Variants in COL12A1 observed in about 807,000 individuals in gnomAD.
COL12A1 encodes the protein collagen type XII alpha 1 chain.
In COL12A1, 114 loss-of-function variants were observed where a neutral mutation model predicts 349.7. The observed-to-expected ratio is 0.33, with a 90% CI of 0.28 to 0.38. The LOEUF is 0.38. COL12A1 is among the 10% of genes least tolerant of loss of function. COL12A1 has a pLI of 1.00. For missense variants in COL12A1, 3,284 were observed against 3,756.9 expected (o/e 0.87, Z 3.29); for synonymous variants, 1,369 against 1,329.0 (o/e 1.03, Z -0.66).
chr6:75,152,431 C>G lies in COL12A1; in HGVS notation c.3617G>C (p.Gly1206Ala). The G allele has an allele frequency of 6.2e-7, 1 of 1,613,662 alleles. No individual in the cohort carries two copies. Among genetic ancestry groups the G allele is most frequent in the South Asian group, 1.1e-5 (1 of 91,068 alleles). Residue 1206 changes from glycine to alanine, a missense_variant, in exon 18 of 66, where the codon GGA becomes GCA. Physicochemically the swap from Gly to Ala is moderately conservative, Grantham distance 60 (BLOSUM62 0). Around this residue, in one of 2 missense-constraint regions of COL12A1, gnomAD observed 2,601 missense variants for 2,824.8 expected, o/e 0.92. Coordinates refer to ENST00000322507, the MANE Select transcript of COL12A1 (RefSeq NM_004370.6). ...AEADIVLLVD[G>A]SWSIGRANFR... The stretch of plus-strand genomic sequence containing the variant: ...ATTTGCCCGGCCGATGCTCCATGAT[C>G]CATCCACCAGCAACACAATGTCTGC...
intron 34 of COL12A1, among the ~76,000 whole-genome samples, chr6:75,132,403 A>G (rs187706249): frequency 1.1e-3 from 168 of 152,326 alleles, no homozygotes; most frequent in Non-Finnish European, 1.8e-3. Context: ...TTCTAACATA[A>G]GTAATGGAGA....
Position 75,085,596 on chromosome 6 carries a change from CATTGCACAA to C in COL12A1, c.*942_*950del, listed in dbSNP as rs1767451040. ...TCAAAAATCCAGCAGTAAACACAAT[CATTGCACAA>C]ATACTTGGGAAGGGTCAGAGACTGG... On this transcript the variant is annotated 3_prime_UTR_variant, in exon 66 of 66. Coordinates refer to ENST00000322507, the MANE Select transcript of COL12A1 (RefSeq NM_004370.6). 1 of 318,854 alleles carries C rather than the reference CATTGCACAA, an allele frequency of 3.1e-6. No homozygotes were observed. The highest frequency in any genetic ancestry group is 6.3e-6 in the Non-Finnish European group (1 of 158,088). 19.8% of individuals were successfully genotyped at this position (318,854 alleles called of 1,614,324 possible).
At chr6:75,197,818 C>A (rs150801691) in intron 2 of COL12A1, among the ~76,000 whole-genome samples, 1 of 152,064 alleles carries the variant, frequency 6.6e-6, no homozygotes, top group African/African-American at 2.4e-5. Context: ...TTCATATTTA[C>A]AGATAATGTT....
chr6:75,146,203 G>A lies in COL12A1; in HGVS notation c.4459C>T (p.Pro1487Ser), dbSNP rs1220345277. Reference protein sequence around the residue: ...VVSLNIYDVGPTTMHVQWQPV... With the variant: ...VVSLNIYDVGSTTMHVQWQPV... ...TGCCACTGCACATGCATGGTGGTAG[G>A]GCCAACATCATAAATATTCAGGCTG... The change falls in exon 24 of 66, where the codon CCT becomes TCT. Residue 1487 changes from proline to serine, a missense_variant. Coordinates refer to ENST00000322507, the MANE Select transcript of COL12A1 (RefSeq NM_004370.6). 6.2e-7 allele frequency: 1 copy of A among 1,611,382 alleles called. No individual in the cohort carries two copies. Among genetic ancestry groups the A allele is most frequent in the Non-Finnish European group, 8.5e-7 (1 of 1,179,096 alleles).
chr6:75,160,079 G>C (rs1194120703), intron 14 of COL12A1, among the ~76,000 whole-genome samples: 2 of 150,578 alleles, frequency 1.3e-5, no homozygotes, highest in Non-Finnish European at 3.0e-5. Flanking sequence ...AACCCTTGTT[G>C]GTTTCCCATA....
intron 55 of COL12A1, among the ~76,000 whole-genome samples, chr6:75,103,363 A>G (rs528838394): frequency 0.012 from 1,826 of 152,320 alleles, 36 homozygotes; most frequent in African/African-American, 0.04. Flanking sequence ...GTGAGCACAT[A>G]CGCAGCCACT....
chr6:75,188,677 T>C, intron 7 of COL12A1, 142 bp from the exon 8 acceptor site: 2 of 929,552 alleles, frequency 2.2e-6, no homozygotes, highest in Non-Finnish European at 3.2e-6. Flanking sequence ...CTTTGTTTCA[T>C]AACAGTTGCA....
intron 14 of COL12A1, among the ~76,000 whole-genome samples, chr6:75,158,827 A>T (rs1297498316): frequency 6.6e-6 from 1 of 152,086 alleles, no homozygotes; most frequent in Non-Finnish European, 1.5e-5. Context: ...AACATGAAAC[A>T]CAAGGAAAGA....
chr6:75,164,830 TAA>T (rs1768203402), intron 14 of COL12A1, among the ~76,000 whole-genome samples: 1 of 150,242 alleles, frequency 6.7e-6, no homozygotes, highest in Admixed American at 6.6e-5. Context: ...AGGTAATTCA[TAA>T]TTATTTACAA....
Position 75,126,417 on chromosome 6 carries a change from A to G in COL12A1, c.6394T>C (p.Phe2132Leu), listed in dbSNP as rs769755656. ...GGTGAAGGATCCCAGGACACCCTGAATCTTGTATACCATTCGTCAGAGATG... is the reference window on the plus strand; with the variant it reads ...GGTGAAGGATCCCAGGACACCCTGAGTCTTGTATACCATTCGTCAGAGATG... The part of the protein sequence containing the change: ...IHISDEWYTR[F>L]RVSWDPSPSP... The change falls in exon 39 of 66, where the codon TTC (phenylalanine) becomes CTC (leucine). Residue 2132 changes from phenylalanine to leucine, a missense_variant. Physicochemically the swap from Phe to Leu is conservative, Grantham distance 22 (BLOSUM62 0). Transcript: ENST00000322507. 3.1e-6 allele frequency: 5 copies of G among 1,611,832 alleles called. No homozygotes were observed. In the East Asian group the frequency reaches 6.7e-5, roughly 22 times the overall value.
At chr6:75,139,338 C>T (rs1020705272) in intron 27 of COL12A1, among the ~76,000 whole-genome samples, 2 of 152,098 alleles carry the variant, frequency 1.3e-5, no homozygotes, top group African/African-American at 4.8e-5. Flanking sequence ...ACCCCAAAGA[C>T]ACACATAGAC....
At chr6:75,136,992 AGACACCCTAT>A (rs1766641373) in intron 31 of COL12A1, among the ~76,000 whole-genome samples, 1 of 152,214 alleles carries the variant, frequency 6.6e-6, no homozygotes, top group Admixed American at 6.5e-5. Context: ...CAGATCTAGA[AGACACCCTAT>A]GACATGCAAA....
intron 59 of COL12A1, among the ~76,000 whole-genome samples, chr6:75,096,054 AC>A (rs1044291597): frequency 6.6e-6 from 1 of 151,982 alleles, no homozygotes; most frequent in African/African-American, 2.4e-5. Context: ...TCATGTCAGC[AC>A]CCTTAACCCC....
chr6:75,111,528 T>C (rs1220336895), intron 51 of COL12A1, among the ~76,000 whole-genome samples: 1 of 151,862 alleles, frequency 6.6e-6, no homozygotes, highest in African/African-American at 2.4e-5. Context: ...TGGTTATCAG[T>C]GGTTTAGTGG....
chr6:75,196,133 T>G (rs1184129640), intron 2 of COL12A1, among the ~76,000 whole-genome samples: 2 of 152,234 alleles, frequency 1.3e-5, no homozygotes, highest in African/African-American at 4.8e-5. Context: ...TGCCTCATCA[T>G]GCAGCATTGT....
chr6:75,138,974 A>G lies in COL12A1; in HGVS notation c.4958-13T>C, dbSNP rs769712432. 4 of 1,612,794 alleles carry G rather than the reference A, an allele frequency of 2.5e-6. No individual in the cohort carries two copies. Among genetic ancestry groups the G allele is most frequent in the Admixed American group, 1.7e-5 (1 of 59,726 alleles). On this transcript the variant is annotated splice_polypyrimidine_tract_variant and intron_variant, in intron 27 of 65. Coordinates refer to ENST00000322507, the MANE Select transcript of COL12A1 (RefSeq NM_004370.6). Reference sequence around the variant, plus strand: ...GCTGGCACGGGTCCTATCATGAGAAAAGGCAAGCAGACTAAGTTTTTGAAT... The same window carrying G: ...GCTGGCACGGGTCCTATCATGAGAAGAGGCAAGCAGACTAAGTTTTTGAAT...
intron 46 of COL12A1, 36 bp downstream of exon 46, chr6:75,119,007 A>C (rs969030707): frequency 2.5e-6 from 4 of 1,610,570 alleles, no homozygotes; most frequent in African/African-American, 2.7e-5. Context: ...AAAATGTTAA[A>C]ATTTCAAGTG....
At chr6:75,100,408 G>A (rs1431678455) in intron 58 of COL12A1, among the ~76,000 whole-genome samples, 2 of 151,868 alleles carry the variant, frequency 1.3e-5, no homozygotes, top group African/African-American at 2.4e-5. Context: ...AATATTCTGG[G>A]GTTTATTTTC....
intron 15 of COL12A1, 22 bp downstream of exon 15, chr6:75,156,235 A>G (rs776558000): frequency 9.3e-6 from 15 of 1,611,014 alleles, no homozygotes; most frequent in Middle Eastern, 1.7e-4. Flanking sequence ...CTCCCCCTCA[A>G]AATATAATTA....
Sources: gnomAD v4.1 joint callset for allele counts (sites outside exome capture counted in the v4.1 genomes callset) on GRCh38, gnomAD v4.1.1 for gene constraint, gnomAD v4.1.1 regional missense constraint, MANE v1.5 for transcripts, NCBI Gene and HGNC (gene_info 2026-07-23, HGNC 2026-07-21) for gene names.